The following OR2L13 variants were observed in gnomAD, a reference collection of about 807,000 sequenced individuals.
OR2L13 encodes the protein olfactory receptor 2L13.
In OR2L13, 14 loss-of-function variants were observed where a neutral mutation model predicts 15.3. The ratio of observed to expected loss-of-function variants is 0.91; its 90% CI spans 0.60 to 1.43. The LOEUF is 1.43. OR2L13 is among the 40% of genes most tolerant of loss of function. The probability of loss-of-function intolerance (pLI) is 0.00; values close to 1 mark genes in which losing one functional copy is unlikely to be tolerated. For synonymous variants in OR2L13, 152 were observed against 142.9 expected (o/e 1.06, Z -0.45); for missense variants, 367 against 387.9 (o/e 0.95, Z 0.45).
At chr1:247,983,925 C>T in the OR2L13 span, among the ~76,000 whole-genome samples, 107 of 152,228 alleles carry the variant, frequency 7.0e-4, no homozygotes, top group African/African-American at 2.4e-3. Context: ...GGGGTCTTGG[C>T]GTGAATGACA....
chr1:248,039,451 G>A, the OR2L13 span: 1 of 303,074 alleles, frequency 3.3e-6, no homozygotes, highest in South Asian at 5.3e-5. Context: ...ATGGATTTTG[G>A]CTCTTGTTGC....
At chr1:247,972,203 A>G in the OR2L13 span, among the ~76,000 whole-genome samples, 2 of 152,308 alleles carry the variant, frequency 1.3e-5, no homozygotes, top group South Asian at 4.1e-4. Flanking sequence ...CATCACAATT[A>G]AAAGAAATAG....
chr1:247,982,120 T>A, the OR2L13 span, among the ~76,000 whole-genome samples: 1 of 152,142 alleles, frequency 6.6e-6, no homozygotes, highest in Non-Finnish European at 1.5e-5. Context: ...TGGCCCATAA[T>A]AACAATTTTA....
the OR2L13 span, among the ~76,000 whole-genome samples, chr1:248,046,604 C>A: frequency 6.6e-6 from 1 of 152,202 alleles, no homozygotes; most frequent in Non-Finnish European, 1.5e-5. Context: ...AGGCCACCCT[C>A]TGTATTAGTG....
chr1:248,091,262 T>C (rs1664590383), upstream of OR2L13, among the ~76,000 whole-genome samples: 1 of 152,028 alleles, frequency 6.6e-6, no homozygotes, highest in Non-Finnish European at 1.5e-5. Flanking sequence ...TAGTTTATTT[T>C]GCTATGCAAG....
At chr1:248,005,739 G>C in the OR2L13 span, among the ~76,000 whole-genome samples, 1 of 152,038 alleles carries the variant, frequency 6.6e-6, no homozygotes, top group Non-Finnish European at 1.5e-5. Flanking sequence ...TCATTCTAGT[G>C]TTCTCTTCCA....
At chr1:248,068,548 T>C in the OR2L13 span, among the ~76,000 whole-genome samples, 9 of 152,170 alleles carry the variant, frequency 5.9e-5, no homozygotes, top group Admixed American at 3.3e-4. Context: ...GCAGAAAAAC[T>C]GGAAACTCTA....
the OR2L13 span, among the ~76,000 whole-genome samples, chr1:248,017,067 G>A: frequency 2.0e-5 from 3 of 152,090 alleles, no homozygotes; most frequent in Non-Finnish European, 4.4e-5. Context: ...TTTCCTAATC[G>A]CTGTGAAACT....
the OR2L13 span, among the ~76,000 whole-genome samples, chr1:248,045,266 C>T: frequency 6.6e-6 from 1 of 152,154 alleles, no homozygotes; most frequent in Non-Finnish European, 1.5e-5. Context: ...CTAATCTCTT[C>T]TTTCAGAATA....
chr1:248,070,153 C>T, the OR2L13 span, among the ~76,000 whole-genome samples: 2 of 152,290 alleles, frequency 1.3e-5, no homozygotes, highest in South Asian at 4.1e-4. Flanking sequence ...ACTCTCCACC[C>T]CAAATCAACA....
the OR2L13 span, among the ~76,000 whole-genome samples, chr1:247,981,841 A>G: frequency 6.8e-6 from 1 of 147,758 alleles, no homozygotes. Flanking sequence ...TTTGAGACGG[A>G]GTCTCGCTCT....
the OR2L13 span, among the ~76,000 whole-genome samples, chr1:247,958,868 C>T: frequency 6.6e-6 from 1 of 152,078 alleles, no homozygotes; most frequent in Non-Finnish European, 1.5e-5. Flanking sequence ...CTGAATACAG[C>T]ACACTGATGG....
At chr1:248,033,735 A>C in the OR2L13 span, among the ~76,000 whole-genome samples, 1 of 151,316 alleles carries the variant, frequency 6.6e-6, no homozygotes, top group Non-Finnish European at 1.5e-5. Context: ...GAGCCATGGC[A>C]CCTGTCCTCT....
At chr1:247,994,734 CAG>C in the OR2L13 span, among the ~76,000 whole-genome samples, 9 of 152,024 alleles carry the variant, frequency 5.9e-5, no homozygotes, top group Non-Finnish European at 1.2e-4. Flanking sequence ...TTTGCTAAGA[CAG>C]TGGGTTTTAA....
At chr1:247,984,966 T>C in the OR2L13 span, among the ~76,000 whole-genome samples, 1 of 152,348 alleles carries the variant, frequency 6.6e-6, no homozygotes, top group African/African-American at 2.4e-5. Context: ...GTACTTCATG[T>C]AGGTGAATTC....
chr1:247,941,646 AGAGAGAGAG>A, the OR2L13 span, among the ~76,000 whole-genome samples: 3 of 152,126 alleles, frequency 2.0e-5, no homozygotes, highest in African/African-American at 4.8e-5. Flanking sequence ...AGAAAAAGAG[AGAGAGAGAG>A]AGACCTTGTC....
At chr1:248,057,629 A>G in the OR2L13 span, among the ~76,000 whole-genome samples, 1 of 152,196 alleles carries the variant, frequency 6.6e-6, no homozygotes, top group Non-Finnish European at 1.5e-5. Flanking sequence ...TGATAAATAT[A>G]TAGGATGCAT....
chr1:248,082,916 G>A, the OR2L13 span, among the ~76,000 whole-genome samples: 1 of 152,098 alleles, frequency 6.6e-6, no homozygotes, highest in South Asian at 2.1e-4. Context: ...CTTAAAACAT[G>A]TGTAGAAAAG....
the OR2L13 span, among the ~76,000 whole-genome samples, chr1:248,012,830 AACATTTAT>A: frequency 6.6e-6 from 1 of 152,092 alleles, no homozygotes. Flanking sequence ...AAAACATTTA[AACATTTAT>A]AAAATTCCAA....
Sources: gnomAD v4.1 joint callset for allele counts (sites outside exome capture counted in the v4.1 genomes callset) on GRCh38, gnomAD v4.1.1 for gene constraint, MANE v1.5 for transcripts, NCBI Gene and HGNC (gene_info 2026-07-23, HGNC 2026-07-21) for gene names.